AWAT1: variants seen among roughly 807,000 people sequenced by gnomAD.
AWAT1 encodes the protein diacyl-glycerol acyltransferase 2.
Under a neutral mutation model 21.6 loss-of-function variants are expected in AWAT1, and 26 were observed. The observed-to-expected ratio is 1.20, with a 90% confidence interval of 0.88 to 1.67. The LOEUF is 1.67. Among genes scored for constraint, AWAT1 ranks in the 40% most tolerant of loss-of-function variants. The probability of loss-of-function intolerance (pLI) is 0.00; values close to 1 mark genes in which losing one functional copy is unlikely to be tolerated. For missense variants in AWAT1, 264 were observed against 249.4 expected (o/e 1.06, Z -0.39); for synonymous variants, 102 against 99.3 (o/e 1.03, Z -0.16).
chrX:70,239,343 G>C (rs1480310157), intron 5 of AWAT1, among the ~76,000 whole-genome samples: 1 of 112,750 alleles, frequency 8.9e-6, no homozygotes, highest in Non-Finnish European at 1.9e-5. Flanking sequence ...GAGCCTGACT[G>C]TCTACCCAGG....
intron 1 of AWAT1, 103 bp downstream of exon 1, chrX:70,234,874 T>C: frequency 1.4e-6 from 1 of 720,675 alleles, no homozygotes; most frequent in Non-Finnish European, 2.1e-6. Context: ...TTTGAGCCTT[T>C]CCATCATCTA....
At chrX:70,236,266 C>A in intron 3 of AWAT1, 127 bp downstream of exon 3, 1 of 553,510 alleles carries the variant, frequency 1.8e-6, no homozygotes, top group Non-Finnish European at 2.9e-6. Flanking sequence ...GCTAGATATA[C>A]TTCAAGATTC....
Position 70,238,347 on chromosome X carries a change from A to G in AWAT1, c.596A>G (p.Lys199Arg). 2 of 1,206,940 alleles carry G rather than the reference A, an allele frequency of 1.7e-6. No individual in the cohort carries two copies. The highest frequency in any genetic ancestry group is 1.7e-5 in the African/African-American group (1 of 57,787). The part of the protein sequence containing the change: ...VPNTTTLILQ[K>R]RKGFVRTALQ... ...AACACCACCACCCTCATCCTCCAGA[A>G]GCGCAAGGGGTTCGTGCGCACAGCC... Residue 199 changes from lysine to arginine, a missense_variant, in exon 5 of 7, where the codon AAG becomes AGG. By Grantham distance (26) the Lys-to-Arg change is conservative. Transcript: ENST00000374521.
intron 4 of AWAT1, among the ~76,000 whole-genome samples, chrX:70,237,746 C>T (rs936013245): frequency 1.0e-5 from 1 of 98,806 alleles, no homozygotes; most frequent in Non-Finnish European, 2.0e-5. Flanking sequence ...GCAGGAGAAT[C>T]GTTTGAACCC....
chrX:70,234,927 G>A (rs2085508493), intron 1 of AWAT1, among the ~76,000 whole-genome samples, 156 bp downstream of exon 1: 1 of 109,404 alleles, frequency 9.1e-6, no homozygotes, highest in Non-Finnish European at 1.9e-5. Context: ...TGAGTTCCAT[G>A]AGTGCCCTGG....
At chrX:70,236,927 G>A in intron 3 of AWAT1, 117 bp from the exon 4 acceptor site, 1 of 665,135 alleles carries the variant, frequency 1.5e-6, no homozygotes, top group Non-Finnish European at 2.3e-6. Context: ...ACCCATTCAG[G>A]AAATCTGTTG....
rs948842205 is a variant in AWAT1 at position 70,240,450 on chromosome X, G to C, written c.*160G>C. The C allele has an allele frequency of 1.8e-6, 1 of 563,901 alleles. No homozygotes were observed. Among genetic ancestry groups the C allele is most frequent in the African/African-American group, 2.3e-5 (1 of 44,024 alleles). The allele number at this position is 563,901 out of a possible 1,213,427, so 46.5% of individuals were successfully genotyped here. On this transcript the variant is annotated 3_prime_UTR_variant, in exon 7 of 7. Transcript: ENST00000374521. ...CCTTCTTGCCACAGGGTCCTTACAG[G>C]AATTCTTTCTGAAGAGCTGCACACA...
At chrX:70,239,603 T>G (rs1263013851) in intron 5 of AWAT1, 132 bp from the exon 6 acceptor site, 2 of 566,187 alleles carry the variant, frequency 3.5e-6, no homozygotes, top group African/African-American at 2.3e-5. Context: ...CCCTGTTTAG[T>G]GCAAGAAAAA....
chrX:70,234,977 G>A (rs1473147362), intron 1 of AWAT1, among the ~76,000 whole-genome samples: 2 of 109,303 alleles, frequency 1.8e-5, no homozygotes, highest in East Asian at 2.9e-4. Context: ...GTGAGAATAT[G>A]TAGTGGGAGG....
chrX:70,234,694 T>A lies in AWAT1; in HGVS notation c.-2T>A, dbSNP rs1474468097. The A allele has an allele frequency of 2.5e-6, 3 of 1,209,521 alleles. No individual in the cohort carries two copies. Among genetic ancestry groups the A allele is most frequent in the Admixed American group, 4.3e-5 (2 of 46,004 alleles). ...TTTGCCTCCCTCAGGCTCCCGAGAATCATGGCTCATTCCAAGCAGCCTAGT... is the reference window on the plus strand; with the variant it reads ...TTTGCCTCCCTCAGGCTCCCGAGAAACATGGCTCATTCCAAGCAGCCTAGT... On this transcript the variant is annotated 5_prime_UTR_variant, in exon 1 of 7. Coordinates refer to ENST00000374521, the MANE Select transcript of AWAT1 (RefSeq NM_001013579.3).
At position 70,238,200 on chromosome X, in the gene AWAT1, G is replaced by C. The variant is rs750876530; in HGVS notation, c.461-12G>C. On this transcript the variant is annotated splice_polypyrimidine_tract_variant and intron_variant, in intron 4 of 6. Transcript: ENST00000374521. ...TCCTCTCCTGATCATTTTGCTCCTT[G>C]ATTCTCTTTAGGTGTGTGCTCTGTG... 3.4e-6 allele frequency: 4 copies of C among 1,190,980 alleles called. No individual in the cohort carries two copies. In the South Asian group the frequency reaches 5.5e-5, roughly 16 times the overall value.
At position 70,240,538 on chromosome X, in the gene AWAT1, T is replaced by C. The variant is rs1018202917; in HGVS notation, c.*248T>C. On this transcript the variant is annotated 3_prime_UTR_variant, in exon 7 of 7. Coordinates refer to ENST00000374521, the MANE Select transcript of AWAT1 (RefSeq NM_001013579.3). ...GCTGGGGCCTGATGCCTGGTCATCA[T>C]TTGAGTCCTCTGGGACACATTAGCA... 4 of 366,047 alleles carry C rather than the reference T, an allele frequency of 1.1e-5. No individual in the cohort carries two copies. The highest frequency in any genetic ancestry group is 1.0e-4 in the African/African-American group (4 of 39,716). The allele number at this position is 366,047 out of a possible 1,213,427, so 30.2% of individuals were successfully genotyped here. A position where few individuals can be genotyped will look rare whatever the true frequency, so the allele number is the denominator to read the frequency against.
At chrX:70,239,051 G>T (rs918371654) in intron 5 of AWAT1, among the ~76,000 whole-genome samples, 4 of 112,314 alleles carry the variant, frequency 3.6e-5, no homozygotes. Flanking sequence ...TTTCTTCCAA[G>T]GACCTTGCCT....
intron 1 of AWAT1, among the ~76,000 whole-genome samples, chrX:70,235,473 G>A (rs1305948813): frequency 5.4e-5 from 6 of 110,972 alleles, no homozygotes; most frequent in Non-Finnish European, 9.4e-5. Flanking sequence ...GGAGTACAGA[G>A]GTAGTGGCTG....
At chrX:70,239,001 G>A (rs1316880954) in intron 5 of AWAT1, among the ~76,000 whole-genome samples, 2 of 112,653 alleles carry the variant, frequency 1.8e-5, no homozygotes, top group Middle Eastern at 4.2e-3. Context: ...CTGGACACAG[G>A]GACAATTGTC....
At chrX:70,239,495 C>A (rs1257118747) in intron 5 of AWAT1, among the ~76,000 whole-genome samples, 1 of 111,845 alleles carries the variant, frequency 8.9e-6, no homozygotes, top group Non-Finnish European at 1.9e-5. Context: ...CTGACGCTCC[C>A]CGCCCCCTGG....
Position 70,237,093 on chromosome X carries a change from T to A in AWAT1, c.305T>A (p.Val102Asp). 8.3e-7 allele frequency: 1 copy of A among 1,207,071 alleles called. No individual in the cohort carries two copies. Among genetic ancestry groups the A allele is most frequent in the East Asian group, 3.0e-5 (1 of 33,638 alleles). ...LSPEHNYLMG[V>D]HPHGLLTFGA... The stretch of plus-strand genomic sequence containing the variant: ...CCTGAGCACAACTACCTCATGGGGG[T>A]TCACCCCCATGGCCTCCTGACCTTT... The change falls in exon 4 of 7, where the codon GTT (valine) becomes GAT (aspartate). Residue 102 changes from valine (V) to aspartate (D), a missense_variant. Physicochemically the swap from Val to Asp is radical, Grantham distance 152. Transcript: ENST00000374521.
At chrX:70,237,677 C>T (rs759709426) in intron 4 of AWAT1, among the ~76,000 whole-genome samples, 3 of 107,274 alleles carry the variant, frequency 2.8e-5, no homozygotes, top group Non-Finnish European at 3.8e-5. Flanking sequence ...ACTTAAAATA[C>T]GAAAATTAGC....
In AWAT1 at chrX:70,235,625, G is replaced by A. The variant is rs370173543; in HGVS notation, c.77-91G>A. Reference sequence around the variant, plus strand: ...GATTGTGTTGAGGGCCAGGACCAGAGGCTTAGGTAATGTGGAGAGCTGGTG... The same window carrying A: ...GATTGTGTTGAGGGCCAGGACCAGAAGCTTAGGTAATGTGGAGAGCTGGTG... On this transcript the variant is annotated intron_variant, in intron 1 of 6. Coordinates refer to ENST00000374521, the MANE Select transcript of AWAT1 (RefSeq NM_001013579.3). The A allele has an allele frequency of 1.7e-4, 111 of 637,747 alleles. No individual in the cohort carries two copies. The African/African-American group carries it at 1.8e-3, about 11-fold the overall frequency. 52.6% of individuals were successfully genotyped at this position (637,747 alleles called of 1,213,427 possible). A position where few individuals can be genotyped will look rare whatever the true frequency, so the allele number is the denominator to read the frequency against.
Sources: allele counts gnomAD v4.1 joint callset (sites outside exome capture counted in the v4.1 genomes callset), GRCh38; gene constraint gnomAD v4.1.1; transcripts MANE v1.5; gene names NCBI Gene and HGNC (gene_info 2026-07-23, HGNC 2026-07-21).